CNBD1: variants seen among roughly 807,000 people sequenced by gnomAD.
CNBD1 encodes the protein cyclic nucleotide-binding domain-containing protein 1.
In CNBD1, 71 loss-of-function variants were observed where a neutral mutation model predicts 54.4. The ratio of observed to expected loss-of-function variants is 1.30; its 90% confidence interval spans 1.08 to 1.59. The LOEUF (loss-of-function observed/expected upper bound fraction) is 1.59. Ranked by LOEUF, CNBD1 falls within the 40% of genes most tolerant of loss-of-function variation. The pLI is 0.00. For synonymous variants in CNBD1, 182 were observed against 170.7 expected (o/e 1.07, Z -0.51); for missense variants, 659 against 518.0 (o/e 1.27, Z -2.64).
At position 87,301,997 on chromosome 8, in the gene CNBD1, T is replaced by C. The variant is rs546061384; in HGVS notation, c.1042+15326T>C. On this transcript the variant is annotated intron_variant, in intron 8 of 10. Transcript: ENST00000518476. ...GCTCTGAAATTGAGGCAGTAATTAA[T>C]AGCTTACCAACCAAAAAAAGTCCAG... Among the ~76,000 whole-genome samples the C allele has an allele frequency of 5.1e-4, 77 of 152,262 alleles. 1 individual carries two copies. The Middle Eastern group carries it at 0.014, about 27-fold the overall frequency.
chr8:87,034,968 A>G (rs916238513), intron 4 of CNBD1, among the ~76,000 whole-genome samples: 18 of 151,980 alleles, frequency 1.2e-4, no homozygotes, highest in Non-Finnish European at 2.6e-4. Flanking sequence ...ATTTATGCGG[A>G]TTTTTTAGTT....
At chr8:86,923,179 G>A (rs1258752562) in intron 3 of CNBD1, among the ~76,000 whole-genome samples, 2 of 152,178 alleles carry the variant, frequency 1.3e-5, no homozygotes, top group Non-Finnish European at 2.9e-5. Flanking sequence ...ACCCGAGCAG[G>A]CGGCTCAAGG....
intron 4 of CNBD1, among the ~76,000 whole-genome samples, chr8:87,077,919 T>A (rs1008966125): frequency 1.3e-5 from 2 of 152,146 alleles, no homozygotes; most frequent in African/African-American, 4.8e-5. Context: ...TTATAATCCT[T>A]TGGGTATATA....
chr8:86,971,248 G>A (rs375276452), intron 4 of CNBD1, among the ~76,000 whole-genome samples: 23 of 152,232 alleles, frequency 1.5e-4, no homozygotes, highest in East Asian at 5.8e-4. Context: ...ATTACATGGC[G>A]GTGGGTAAGG....
intron 4 of CNBD1, among the ~76,000 whole-genome samples, chr8:87,141,972 A>G (rs1387915081): frequency 6.6e-6 from 1 of 152,162 alleles, no homozygotes; most frequent in African/African-American, 2.4e-5. Flanking sequence ...AGTGGTTTTA[A>G]AAAGACTCCT....
intron 2 of CNBD1, among the ~76,000 whole-genome samples, chr8:87,426,918 A>G (rs1586097058): frequency 2.0e-5 from 3 of 152,204 alleles, no homozygotes; most frequent in East Asian, 3.9e-4. Flanking sequence ...GGATAAACCA[A>G]TCATCCTTTC....
intron 4 of CNBD1, among the ~76,000 whole-genome samples, chr8:87,139,025 A>G (rs1166821670): frequency 6.6e-6 from 1 of 152,178 alleles, no homozygotes; most frequent in Non-Finnish European, 1.5e-5. Context: ...TTTAGCAGCT[A>G]TTGGTTGGCA....
intron 4 of CNBD1, among the ~76,000 whole-genome samples, chr8:87,057,700 T>C (rs1279357860): frequency 2.6e-5 from 4 of 152,034 alleles, no homozygotes; most frequent in African/African-American, 4.8e-5. Flanking sequence ...AATACAAAAA[T>C]TAGCTGGGCA....
At chr8:87,421,048 G>GA (rs1267803573) in intron 2 of CNBD1, among the ~76,000 whole-genome samples, 1 of 151,852 alleles carries the variant, frequency 6.6e-6, no homozygotes, top group Admixed American at 6.6e-5. Flanking sequence ...GATAGCAACT[G>GA]AAAATGCTTC....
intron 4 of CNBD1, among the ~76,000 whole-genome samples, chr8:86,950,680 T>C (rs114925147): frequency 2.6e-4 from 40 of 152,264 alleles, no homozygotes; most frequent in African/African-American, 9.6e-4. Context: ...AAGTGTGCCA[T>C]TGTCCCCTGT....
intron 8 of CNBD1, among the ~76,000 whole-genome samples, chr8:87,319,430 C>A (rs1383054222): frequency 6.6e-6 from 1 of 152,032 alleles, no homozygotes; most frequent in Non-Finnish European, 1.5e-5. Context: ...TCTCCTTTGA[C>A]AATACTTGCA....
intron 10 of CNBD1, among the ~76,000 whole-genome samples, chr8:87,372,753 G>T (rs1810840086): frequency 6.6e-6 from 1 of 151,720 alleles, no homozygotes; most frequent in South Asian, 2.1e-4. Context: ...AATAATTTAA[G>T]TTCAATCACC....
At chr8:87,222,773 A>C (rs1814369306) in intron 5 of CNBD1, among the ~76,000 whole-genome samples, 1 of 152,088 alleles carries the variant, frequency 6.6e-6, no homozygotes, top group Non-Finnish European at 1.5e-5. Context: ...GATTAATTAA[A>C]CTTTCTCTAA....
rs975303087 is a variant in CNBD1 at position 87,227,949 on chromosome 8, C to CT, written c.578-8964dup. On this transcript the variant is annotated intron_variant, in intron 5 of 10. Transcript: ENST00000518476. The stretch of plus-strand genomic sequence containing the variant: ...GAGGCTTTGCTCATTTCTTTTTATT[C>CT]TTTTTTCTCTAAACTTCCCTTCTCG... 5.5e-3 allele frequency among the ~76,000 whole-genome samples: 824 copies of CT among 149,934 alleles called. 3 individuals are homozygous for CT. Among genetic ancestry groups the CT allele is most frequent in the Non-Finnish European group, 7.9e-3 (537 of 67,896 alleles).
intron 10 of CNBD1, among the ~76,000 whole-genome samples, chr8:87,377,461 G>T (rs1810973061): frequency 6.6e-6 from 1 of 151,918 alleles, no homozygotes; most frequent in African/African-American, 2.4e-5. Context: ...TTTCATCCAT[G>T]TCCCTACAAA....
At chr8:87,343,347 G>A (rs1251904701) in intron 8 of CNBD1, among the ~76,000 whole-genome samples, 2 of 152,146 alleles carry the variant, frequency 1.3e-5, no homozygotes, top group Non-Finnish European at 2.9e-5. Context: ...GTCCTGAGGT[G>A]ACATACATCC....
intron 8 of CNBD1, among the ~76,000 whole-genome samples, chr8:87,315,584 G>A (rs548179489): frequency 2.0e-5 from 3 of 151,982 alleles, no homozygotes; most frequent in South Asian, 2.1e-4. Context: ...GAGAACTCAC[G>A]CCTTACCCCG....
intron 8 of CNBD1, among the ~76,000 whole-genome samples, chr8:87,323,711 A>C (rs1390936249): frequency 7.5e-6 from 1 of 132,500 alleles, no homozygotes; most frequent in South Asian, 2.3e-4. Context: ...GACTGAGACG[A>C]TGGGGTTTTC....
intron 4 of CNBD1, among the ~76,000 whole-genome samples, chr8:87,144,326 C>G (rs1407136243): frequency 1.3e-5 from 2 of 152,142 alleles, no homozygotes; most frequent in East Asian, 3.9e-4. Flanking sequence ...AACACAATTA[C>G]TAAGCATGGC....
Sources: allele counts gnomAD v4.1 joint callset (sites outside exome capture counted in the v4.1 genomes callset), GRCh38; gene constraint gnomAD v4.1.1; transcripts MANE v1.5; gene names NCBI Gene and HGNC (gene_info 2026-07-23, HGNC 2026-07-21).